CAMK1D: variants seen among roughly 807,000 people sequenced by gnomAD.
The protein encoded by CAMK1D is calcium/calmodulin dependent protein kinase ID, also known as calcium/calmodulin-dependent protein kinase type 1D.
Under a neutral mutation model 47.7 loss-of-function variants are expected in CAMK1D, and 9 were observed. The ratio of observed to expected loss-of-function variants is 0.19; its 90% CI spans 0.11 to 0.33. CAMK1D has a LOEUF of 0.33. CAMK1D is among the 10% of genes least tolerant of loss of function. The pLI, the probability that CAMK1D is intolerant of heterozygous loss-of-function variation, is 1.00. For synonymous variants in CAMK1D, 184 were observed against 184.9 expected, an observed-to-expected ratio of 0.99 and a Z score of 0.04; for missense variants, 291 against 488.7, an observed-to-expected ratio of 0.60 and a Z score of 3.81.
intron 1 of CAMK1D, among the ~76,000 whole-genome samples, chr10:12,459,138 C>T (rs1209597917): frequency 1.3e-5 from 2 of 152,138 alleles, no homozygotes; most frequent in Non-Finnish European, 2.9e-5. Flanking sequence ...CTCGTCCTCC[C>T]AAACTGCTGG....
intron 1 of CAMK1D, among the ~76,000 whole-genome samples, chr10:12,353,877 G>A (rs1430979019): frequency 6.6e-6 from 1 of 152,142 alleles, no homozygotes; most frequent in Non-Finnish European, 1.5e-5. Context: ...TATTTGCCAA[G>A]GCTGTTCAGG....
chr10:12,628,086 A>C (rs1420909874), intron 2 of CAMK1D, among the ~76,000 whole-genome samples: 2 of 137,946 alleles, frequency 1.4e-5, no homozygotes, highest in Non-Finnish European at 3.3e-5. Context: ...GTCTCAAAAA[A>C]AAACAAAAAA....
At chr10:12,382,659 T>C (rs1002235392) in intron 1 of CAMK1D, among the ~76,000 whole-genome samples, 3 of 152,118 alleles carry the variant, frequency 2.0e-5, no homozygotes, top group African/African-American at 7.2e-5. Context: ...ATCCCATCTC[T>C]ACTAAAAATA....
chr10:12,481,106 A>G (rs1834051270), intron 1 of CAMK1D, among the ~76,000 whole-genome samples: 1 of 152,206 alleles, frequency 6.6e-6, no homozygotes, highest in African/African-American at 2.4e-5. Flanking sequence ...CCTGAATTCT[A>G]CTAAGACGTG....
intron 5 of CAMK1D, among the ~76,000 whole-genome samples, chr10:12,776,629 A>G (rs186336057): frequency 1.9e-4 from 29 of 152,314 alleles, no homozygotes; most frequent in Admixed American, 1.1e-3. Context: ...CTTATTGAAT[A>G]TATGTTATTG....
intron 1 of CAMK1D, among the ~76,000 whole-genome samples, chr10:12,380,579 T>C (rs982894113): frequency 5.3e-5 from 8 of 152,146 alleles, no homozygotes; most frequent in East Asian, 1.9e-4. Flanking sequence ...ATTTCTCAGC[T>C]GGGCGCAGTG....
At chr10:12,673,228 A>T (rs554163379) in intron 3 of CAMK1D, among the ~76,000 whole-genome samples, 1 of 120,900 alleles carries the variant, frequency 8.3e-6, no homozygotes, top group Non-Finnish European at 1.9e-5. Flanking sequence ...GCTTACGTTG[A>T]ATCTGTTTAC....
intron 1 of CAMK1D, among the ~76,000 whole-genome samples, chr10:12,417,665 G>T (rs1444551185): frequency 1.3e-5 from 2 of 152,200 alleles, no homozygotes; most frequent in East Asian, 1.9e-4. Flanking sequence ...AGGGCTGGGG[G>T]AGGCCCGAGG....
chr10:12,675,476 C>G (rs1488305966), intron 3 of CAMK1D, among the ~76,000 whole-genome samples: 1 of 152,222 alleles, frequency 6.6e-6, no homozygotes, highest in African/African-American at 2.4e-5. Flanking sequence ...GGCCAAAAAT[C>G]TGGAGTCATC....
At chr10:12,379,646 G>A (rs1421664653) in intron 1 of CAMK1D, among the ~76,000 whole-genome samples, 2 of 152,070 alleles carry the variant, frequency 1.3e-5, no homozygotes, top group South Asian at 2.1e-4. Context: ...CCAGCTACTC[G>A]GGAGGCTGAG....
In CAMK1D at chr10:12,452,291, A is replaced by G. The variant is rs534951949; in HGVS notation, c.93-100934A>G. On this transcript the variant is annotated intron_variant, in intron 1 of 10. Coordinates refer to ENST00000619168, the MANE Select transcript of CAMK1D (RefSeq NM_153498.4). Reference sequence around the variant, plus strand: ...TTACAATATTTATACAATTATTTATATTGATTTATATTGTATAAATATACA... The same window carrying G: ...TTACAATATTTATACAATTATTTATGTTGATTTATATTGTATAAATATACA... 1.3e-4 allele frequency among the ~76,000 whole-genome samples: 20 copies of G among 152,190 alleles called. No homozygotes were observed. The South Asian group carries it at 4.1e-3, about 32-fold the overall frequency.
chr10:12,560,271 G>C (rs914003788), intron 2 of CAMK1D, among the ~76,000 whole-genome samples: 1 of 152,068 alleles, frequency 6.6e-6, no homozygotes, highest in Non-Finnish European at 1.5e-5. Context: ...ATCGATTGGG[G>C]TCCGGGCGCG....
At chr10:12,699,473 T>G (rs1833426035) in intron 3 of CAMK1D, among the ~76,000 whole-genome samples, 2 of 152,180 alleles carry the variant, frequency 1.3e-5, no homozygotes, top group African/African-American at 2.4e-5. Context: ...TTGAGATCTC[T>G]GCTCTTGTCT....
At chr10:12,613,574 G>T (rs531114735) in intron 2 of CAMK1D, among the ~76,000 whole-genome samples, 15 of 152,200 alleles carry the variant, frequency 9.9e-5, no homozygotes. Flanking sequence ...ACCTCCGGGG[G>T]TGCAGGTGAT....
At chr10:12,716,357 A>G (rs534526349) in intron 3 of CAMK1D, among the ~76,000 whole-genome samples, 8 of 152,162 alleles carry the variant, frequency 5.3e-5, no homozygotes, top group Admixed American at 3.9e-4. Flanking sequence ...CCCCTGCGGG[A>G]CAGAATCACC....
intron 2 of CAMK1D, among the ~76,000 whole-genome samples, chr10:12,598,470 T>C (rs1838207882): frequency 1.3e-5 from 2 of 152,236 alleles, no homozygotes; most frequent in Non-Finnish European, 1.5e-5. Context: ...TACTATGTAC[T>C]GGGCAGCATT....
chr10:12,751,076 GATA>G (rs1564535388), intron 3 of CAMK1D, among the ~76,000 whole-genome samples: 9 of 44,496 alleles, frequency 2.0e-4, no homozygotes, highest in East Asian at 1.4e-3. Flanking sequence ...GATAAGATAA[GATA>G]AGATAAGATA....
At chr10:12,555,766 G>A (rs1836740410) in intron 2 of CAMK1D, among the ~76,000 whole-genome samples, 1 of 152,218 alleles carries the variant, frequency 6.6e-6, no homozygotes, top group African/African-American at 2.4e-5. Context: ...TGGATCGAGG[G>A]TGATGACTGT....
intron 2 of CAMK1D, among the ~76,000 whole-genome samples, chr10:12,656,666 T>A (rs935389360): frequency 1.3e-5 from 2 of 152,232 alleles, no homozygotes; most frequent in Admixed American, 6.5e-5. Flanking sequence ...AAGAGCTTAG[T>A]TGATTTAGGT....
Sources: allele counts gnomAD v4.1 joint callset (sites outside exome capture counted in the v4.1 genomes callset), GRCh38; gene constraint gnomAD v4.1.1; transcripts MANE v1.5; gene names NCBI Gene and HGNC (gene_info 2026-07-23, HGNC 2026-07-21).